The following LRRK2 variants were observed in gnomAD, a reference collection of about 807,000 sequenced individuals.
LRRK2 encodes leucine-rich repeat serine/threonine-protein kinase 2.
LRRK2 carries 203 observed loss-of-function variants against 302.6 expected under a neutral mutation model. That is an observed-to-expected ratio of 0.67 (90% confidence interval 0.60 to 0.75). LRRK2 has a LOEUF of 0.75. Among genes scored for constraint, LRRK2 ranks in the 30% least tolerant of loss-of-function variants. The probability of loss-of-function intolerance (pLI) is 0.00; values close to 1 mark genes in which losing one functional copy is unlikely to be tolerated. For missense variants in LRRK2, 2,830 were observed against 2,951.0 expected (o/e 0.96, Z 0.95); for synonymous variants, 1,066 against 1,031.9 (o/e 1.03, Z -0.63).
intron 12 of LRRK2, 124 bp downstream of exon 12, chr12:40,257,501 C>G: frequency 1.7e-6 from 2 of 1,165,336 alleles, no homozygotes; most frequent in Non-Finnish European, 2.5e-6. Flanking sequence ...AAAACTGAAG[C>G]ATTTTGCAAT....
intron 18 of LRRK2, among the ~76,000 whole-genome samples, chr12:40,280,394 C>T (rs185766403): frequency 5.0e-4 from 76 of 151,682 alleles, no homozygotes; most frequent in African/African-American, 1.4e-3. Context: ...GAAGTCAAGG[C>T]GGGAGGATCA....
chr12:40,312,872 T>C (rs1230811757), intron 31 of LRRK2: 2 of 151,982 alleles, frequency 1.3e-5, no homozygotes, highest in Admixed American at 1.3e-4. Context: ...TCATCTTAAT[T>C]TATGAACGAC....
rs572441072 is a variant in LRRK2, at chr12:40,321,739, C to T, written c.5171-296C>T. Among the ~76,000 whole-genome samples, 8 of 152,158 alleles carry T rather than the reference C, an allele frequency of 5.3e-5. 1 individual carries two copies. The East Asian group carries it at 1.5e-3, about 29-fold the overall frequency. ...TTGCGTTTAGCATGATCAAAAACTT[C>T]TTTTTAAAAATTATGAGGATTTATT... On this transcript the variant is annotated intron_variant, in intron 35 of 50. Transcript: ENST00000298910.
In LRRK2 at chr12:40,315,316, T is replaced by C. The variant is rs1430762245; in HGVS notation, c.4827+16T>C. The C allele has an allele frequency of 4.4e-6, 7 of 1,598,062 alleles. No individual in the cohort carries two copies. The highest frequency in any genetic ancestry group is 6.0e-6 in the Non-Finnish European group (7 of 1,165,588). On this transcript the variant is annotated intron_variant, in intron 33 of 50. Coordinates refer to ENST00000298910, the MANE Select transcript of LRRK2 (RefSeq NM_198578.4). Reference sequence around the variant, plus strand: ...CATGGCACAGGTTGGTGTCTTTTATTTTTGTGGCACGGGGGTTATGGTCAA... The same window carrying C: ...CATGGCACAGGTTGGTGTCTTTTATCTTTGTGGCACGGGGGTTATGGTCAA...
chr12:40,337,576 A>T (rs1945911302), intron 40 of LRRK2, among the ~76,000 whole-genome samples: 1 of 152,146 alleles, frequency 6.6e-6, no homozygotes, highest in South Asian at 2.1e-4. Context: ...TTTGTCCACC[A>T]GGTCCTTGAC....
At chr12:40,355,090 A>G (rs372867650) in intron 45 of LRRK2, among the ~76,000 whole-genome samples, 1 of 152,174 alleles carries the variant, frequency 6.6e-6, no homozygotes, top group African/African-American at 2.4e-5. Flanking sequence ...AGGAGGCATT[A>G]AGATTATACC....
At position 40,356,148 on chromosome 12, in the gene LRRK2, T is replaced by G. The variant is rs1414169839; in HGVS notation, c.6804T>G (p.Ala2268=). The change falls in exon 46 of 51, where the codon GCT becomes GCG. Residue 2268 remains alanine, a synonymous_variant. Coordinates refer to ENST00000298910, the MANE Select transcript of LRRK2 (RefSeq NM_198578.4). ...AAAATTTTCTTTTGGTTGGAACCGC[T>G]GATGGCAAGTTAGCAATTTTTGAAG... The part of the protein sequence containing the change: ...KQKNFLLVGT[A]DGKLAIFEDK... 5 of 1,612,532 alleles carry G rather than the reference T, an allele frequency of 3.1e-6. No homozygotes were observed. The highest frequency in any genetic ancestry group is 2.2e-5 in the South Asian group (2 of 90,706).
intron 20 of LRRK2, among the ~76,000 whole-genome samples, chr12:40,290,810 T>A (rs1389346128): frequency 1.3e-5 from 2 of 152,062 alleles, no homozygotes; most frequent in African/African-American, 2.4e-5. Flanking sequence ...ACTTTTGTTC[T>A]TATCTTTATT....
intron 14 of LRRK2, among the ~76,000 whole-genome samples, chr12:40,269,823 A>C (rs1178358740): frequency 6.6e-6 from 1 of 152,054 alleles, no homozygotes; most frequent in African/African-American, 2.4e-5. Flanking sequence ...ACACTTTTGG[A>C]TGAAATTAAT....
At chr12:40,237,885 T>C (rs1302301503) in intron 4 of LRRK2, 84 bp from the exon 5 acceptor site, 2 of 1,417,524 alleles carry the variant, frequency 1.4e-6, no homozygotes, top group Non-Finnish European at 2.0e-6. Flanking sequence ...ACAGTCTTCA[T>C]GTAAAAATTA....
chr12:40,345,301 A>G (rs984428975), intron 41 of LRRK2, among the ~76,000 whole-genome samples: 18 of 152,254 alleles, frequency 1.2e-4, no homozygotes, highest in Middle Eastern at 3.4e-3. Flanking sequence ...TTTTATTTTG[A>G]AAATGTTTAA....
chr12:40,325,235 C>T (rs768437514), intron 38 of LRRK2, among the ~76,000 whole-genome samples: 13 of 152,020 alleles, frequency 8.6e-5, no homozygotes, highest in Non-Finnish European at 1.3e-4. Flanking sequence ...TGCAGTGAGC[C>T]GAGGTTGTGC....
Position 40,335,143 on chromosome 12 carries a change from A to G in LRRK2, c.5934A>G (p.Val1978=), listed in dbSNP as rs1446859930. 6.2e-7 allele frequency: 1 copy of G among 1,614,082 alleles called. No individual in the cohort carries two copies. Among genetic ancestry groups the G allele is most frequent in the African/African-American group, 1.3e-5 (1 of 75,052 alleles). The change falls in exon 40 of 51, where the codon GTA becomes GTG. Residue 1978 remains valine, a synonymous_variant. Transcript: ENST00000298910. ...TACAGCACAGGATTGCACTCCACGT[A>G]GCTGATGGTTTGAGGTAAGTAGGTC... The part of the protein sequence containing the change: ...RTLQHRIALH[V]ADGLRYLHSA...
chr12:40,255,565 G>A (rs1157466529), intron 11 of LRRK2, among the ~76,000 whole-genome samples: 2 of 152,126 alleles, frequency 1.3e-5, no homozygotes, highest in Non-Finnish European at 2.9e-5. Context: ...TTAAAGTGTG[G>A]TTCCTGGACC....
chr12:40,344,997 C>A (rs1221388390), intron 41 of LRRK2, among the ~76,000 whole-genome samples: 1 of 152,132 alleles, frequency 6.6e-6, no homozygotes, highest in African/African-American at 2.4e-5. Flanking sequence ...TCCAACTCTT[C>A]ATGCTTTTCC....
At chr12:40,295,115 T>C (rs1302007802) in intron 22 of LRRK2, among the ~76,000 whole-genome samples, 2 of 152,084 alleles carry the variant, frequency 1.3e-5, no homozygotes, top group Non-Finnish European at 2.9e-5. Context: ...TTGAATATTA[T>C]AGAACACATT....
In LRRK2 at chr12:40,299,206, C is replaced by T; in HGVS notation, c.3445C>T (p.Leu1149Phe). ...NHISSLSENFLEACPKVESFS... is the reference protein window; with the variant it reads ...NHISSLSENFFEACPKVESFS... The stretch of plus-strand genomic sequence containing the variant: ...CATTTCATCCCTATCAGAGAACTTT[C>T]TTGAGGCTTGTCCTAAAGTGGAGAG... Residue 1149 changes from leucine to phenylalanine, a missense_variant, in exon 25 of 51, where the codon CTT (leucine) becomes TTT (phenylalanine). Coordinates refer to ENST00000298910, the MANE Select transcript of LRRK2 (RefSeq NM_198578.4). 6 of 1,613,550 alleles carry T rather than the reference C, an allele frequency of 3.7e-6. No individual in the cohort carries two copies. The highest frequency in any genetic ancestry group is 4.2e-6 in the Non-Finnish European group (5 of 1,179,802).
At chr12:40,300,033 C>T (rs1424696733) in intron 25 of LRRK2, among the ~76,000 whole-genome samples, 8 of 152,176 alleles carry the variant, frequency 5.3e-5, no homozygotes, top group African/African-American at 1.9e-4. Flanking sequence ...TAAACATGCA[C>T]ATGGCTGCCT....
chr12:40,233,481 G>A (rs1322150162), intron 3 of LRRK2, among the ~76,000 whole-genome samples: 5 of 152,242 alleles, frequency 3.3e-5, no homozygotes, highest in African/African-American at 1.2e-4. Flanking sequence ...TCCCCTCTTT[G>A]ACAAATGTGT....
Sources: gnomAD v4.1 joint callset for allele counts (sites outside exome capture counted in the v4.1 genomes callset) on GRCh38, gnomAD v4.1.1 for gene constraint, MANE v1.5 for transcripts, NCBI Gene and HGNC (gene_info 2026-07-23, HGNC 2026-07-21) for gene names.